The following CEP112 variants were observed in gnomAD, a reference collection of about 807,000 sequenced individuals.
CEP112 encodes centrosomal protein 112, also known as centrosomal protein of 112 kDa.
Under a neutral mutation model 153.0 loss-of-function variants are expected in CEP112, and 127 were observed. The ratio of observed to expected loss-of-function variants is 0.83; its 90% CI spans 0.72 to 0.96. The LOEUF is 0.96. CEP112 is among the 40% of genes least tolerant of loss of function. The pLI is 0.00. For synonymous variants in CEP112, 358 were observed against 374.4 expected (o/e 0.96, Z 0.51); for missense variants, 1,089 against 1,101.2 (o/e 0.99, Z 0.16).
intron 21 of CEP112, among the ~76,000 whole-genome samples, chr17:65,810,958 C>T (rs143517867): frequency 1.6e-4 from 25 of 152,268 alleles, no homozygotes; most frequent in Non-Finnish European, 2.8e-4. Flanking sequence ...TTCTGTTTGC[C>T]TCCACTTTTC....
intron 23 of CEP112, among the ~76,000 whole-genome samples, chr17:65,716,136 C>A (rs1428242566): frequency 6.8e-6 from 1 of 146,380 alleles, no homozygotes; most frequent in African/African-American, 2.6e-5. Context: ...ATAGGCATAG[C>A]CCTACTCTTT....
chr17:65,723,000 G>A (rs1443633098), intron 23 of CEP112, among the ~76,000 whole-genome samples: 7 of 152,242 alleles, frequency 4.6e-5, no homozygotes, highest in Admixed American at 6.5e-5. Flanking sequence ...GAGGTCAAGC[G>A]CACATTCTGA....
At chr17:65,874,036 C>T (rs1250715649) in intron 20 of CEP112, among the ~76,000 whole-genome samples, 2 of 152,132 alleles carry the variant, frequency 1.3e-5, no homozygotes, top group African/African-American at 4.8e-5. Flanking sequence ...TTCTACATTT[C>T]AGAAAACCAT....
At chr17:65,689,301 G>A in intron 23 of CEP112, 83 bp from the exon 24 acceptor site, 1 of 927,690 alleles carries the variant, frequency 1.1e-6, no homozygotes, top group Non-Finnish European at 1.7e-6. Context: ...GCACTAAAAA[G>A]GCCTCAGATC....
At chr17:65,748,877 C>T (rs7208168) in intron 22 of CEP112, among the ~76,000 whole-genome samples, 16,253 of 152,196 alleles carry the variant, frequency 0.11, 1,458 homozygotes, top group African/African-American at 0.24. Context: ...CCTGTTTACA[C>T]TCTCATTATT....
intron 20 of CEP112, among the ~76,000 whole-genome samples, chr17:65,875,270 C>T (rs2058788492): frequency 6.6e-6 from 1 of 152,118 alleles, no homozygotes; most frequent in East Asian, 1.9e-4. Context: ...AACAGTTAGA[C>T]CAATGCATTG....
intron 12 of CEP112, among the ~76,000 whole-genome samples, chr17:66,052,723 C>T (rs1249630137): frequency 6.6e-6 from 1 of 152,114 alleles, no homozygotes; most frequent in Non-Finnish European, 1.5e-5. Context: ...CTACTCCAAT[C>T]TCCCTCTTTG....
chr17:66,072,316 AG>A (rs1289342683), intron 8 of CEP112, among the ~76,000 whole-genome samples: 1 of 152,200 alleles, frequency 6.6e-6, no homozygotes, highest in African/African-American at 2.4e-5. Flanking sequence ...TCTACTGCAC[AG>A]TTTATACTCA....
intron 23 of CEP112, among the ~76,000 whole-genome samples, chr17:65,719,234 G>A (rs1382569881): frequency 2.0e-5 from 3 of 152,174 alleles, no homozygotes; most frequent in Non-Finnish European, 2.9e-5. Flanking sequence ...CGTTGCATCT[G>A]GCTCTACTAC....
chr17:66,054,978 G>A (rs1168868592), intron 11 of CEP112, among the ~76,000 whole-genome samples: 1 of 151,978 alleles, frequency 6.6e-6, no homozygotes, highest in Non-Finnish European at 1.5e-5. Flanking sequence ...GCTTGGTCTC[G>A]AACTCCTACC....
intron 6 of CEP112, among the ~76,000 whole-genome samples, chr17:66,121,957 C>T (rs1261133717): frequency 2.6e-5 from 4 of 152,014 alleles, no homozygotes; most frequent in South Asian, 2.1e-4. Context: ...TGCAATGGTG[C>T]GATCTCGGCT....
intron 21 of CEP112, among the ~76,000 whole-genome samples, chr17:65,780,994 T>C (rs2053964282): frequency 6.6e-6 from 1 of 152,144 alleles, no homozygotes; most frequent in Non-Finnish European, 1.5e-5. Context: ...ATAAAATATA[T>C]TTGCACTAAG....
intron 1 of CEP112, among the ~76,000 whole-genome samples, chr17:66,187,342 T>C (rs1364968691): frequency 1.3e-5 from 2 of 152,180 alleles, no homozygotes; most frequent in African/African-American, 4.8e-5. Flanking sequence ...TTCATCAACT[T>C]CTATCCAGAT....
intron 21 of CEP112, among the ~76,000 whole-genome samples, chr17:65,812,953 G>A (rs976217344): frequency 2.0e-5 from 3 of 152,004 alleles, no homozygotes; most frequent in African/African-American, 4.8e-5. Flanking sequence ...AGCCATTATC[G>A]AGCAGAAAAA....
At chr17:65,696,625 A>C (rs1040559609) in intron 23 of CEP112, among the ~76,000 whole-genome samples, 22 of 152,178 alleles carry the variant, frequency 1.4e-4, no homozygotes, top group Non-Finnish European at 2.9e-4. Context: ...AAGCTCTGCA[A>C]AACTGAGTTT....
intron 24 of CEP112, among the ~76,000 whole-genome samples, chr17:65,652,053 G>T (rs2045810391): frequency 6.6e-6 from 1 of 152,156 alleles, no homozygotes; most frequent in African/African-American, 2.4e-5. Context: ...GGCAAAAAAT[G>T]CTCAACATCA....
At chr17:66,075,489 A>C (rs1047950815) in intron 8 of CEP112, among the ~76,000 whole-genome samples, 2 of 152,146 alleles carry the variant, frequency 1.3e-5, no homozygotes, top group Non-Finnish European at 2.9e-5. Flanking sequence ...CAAAAAAATA[A>C]CTAAAAATAA....
intron 19 of CEP112, chr17:65,913,692 A>G: frequency 1.0e-6 from 1 of 985,426 alleles, no homozygotes. Flanking sequence ...GCCAGCATAC[A>G]CTGCTTCTTT....
chr17:65,761,735 C>A (rs1459833380), intron 21 of CEP112, among the ~76,000 whole-genome samples: 1 of 151,984 alleles, frequency 6.6e-6, no homozygotes, highest in Non-Finnish European at 1.5e-5. Flanking sequence ...TAGTTTAGTT[C>A]CATTGTGGTC....
Sources: gnomAD v4.1 joint callset for allele counts (sites outside exome capture counted in the v4.1 genomes callset) on GRCh38, gnomAD v4.1.1 for gene constraint, MANE v1.5 for transcripts, NCBI Gene and HGNC (gene_info 2026-07-23, HGNC 2026-07-21) for gene names.